PLEKHH2: variants seen among roughly 807,000 people sequenced by gnomAD.
PLEKHH2 encodes pleckstrin homology, MyTH4 and FERM domain containing H2.
Under a neutral mutation model 187.9 loss-of-function variants are expected in PLEKHH2, and 129 were observed. The observed-to-expected ratio is 0.69, with a 90% CI of 0.59 to 0.79. The LOEUF (loss-of-function observed/expected upper bound fraction) is 0.79, where lower values mean the gene tolerates loss of function less well. PLEKHH2 is among the 30% of genes least tolerant of loss of function. The pLI is 0.00. For synonymous variants in PLEKHH2, 686 were observed against 605.6 expected, an observed-to-expected ratio of 1.13 and a Z score of -1.95; for missense variants, 2,076 against 1,751.2, an observed-to-expected ratio of 1.19 and a Z score of -3.31.
At chr2:43,759,567 C>G (rs540054782) in intron 27 of PLEKHH2, among the ~76,000 whole-genome samples, 8 of 152,320 alleles carry the variant, frequency 5.3e-5, no homozygotes, top group African/African-American at 1.9e-4. Context: ...GATGGCCAGC[C>G]CTTTCCCCAA....
At chr2:43,640,779 A>ATTT (rs1165017522) in intron 1 of PLEKHH2, among the ~76,000 whole-genome samples, 1 of 150,822 alleles carries the variant, frequency 6.6e-6, no homozygotes, top group Non-Finnish European at 1.5e-5. Context: ...TTTATTTTTA[A>ATTT]TTTATTATTA....
intron 23 of PLEKHH2, among the ~76,000 whole-genome samples, chr2:43,744,600 G>A (rs1671699430): frequency 6.6e-6 from 1 of 152,218 alleles, no homozygotes; most frequent in South Asian, 2.1e-4. Context: ...GGGTGCAGTG[G>A]CTTACGCCTG....
Position 43,700,333 on chromosome 2 carries a change from A to G in PLEKHH2, c.1375A>G (p.Ser459Gly). Residue 459 changes from serine (S) to glycine (G), a missense_variant, in exon 8 of 30, where the codon AGC (serine) becomes GGC (glycine). Ser to Gly is a moderately conservative substitution (Grantham distance 56, BLOSUM62 0). Coordinates refer to ENST00000282406, the MANE Select transcript of PLEKHH2 (RefSeq NM_172069.4). ...TGTAGCACTAGCCAAAAGGCACTTA[A>G]GCCAGCCACAGTTAAGCTCTGACAG... ...ISVALAKRHL[S>G]QPQLSSDRMF... The G allele has an allele frequency of 6.2e-7, 1 of 1,614,210 alleles. No homozygotes were observed. The highest frequency in any genetic ancestry group is 8.5e-7 in the Non-Finnish European group (1 of 1,180,038).
At chr2:43,717,289 A>T (rs1416695426) in intron 15 of PLEKHH2, among the ~76,000 whole-genome samples, 1 of 152,136 alleles carries the variant, frequency 6.6e-6, no homozygotes, top group East Asian at 1.9e-4. Context: ...ATGGCAGCAC[A>T]TGCCTGTAAT....
At chr2:43,761,856 A>C (rs1024824324) in intron 27 of PLEKHH2, among the ~76,000 whole-genome samples, 1 of 152,188 alleles carries the variant, frequency 6.6e-6, no homozygotes, top group South Asian at 2.1e-4. Flanking sequence ...AAAGGTGTGC[A>C]ATTATAATAA....
At chr2:43,678,833 T>G (rs779467191) in intron 2 of PLEKHH2, 30 bp from the exon 3 acceptor site, 6 of 1,522,200 alleles carry the variant, frequency 3.9e-6, no homozygotes, top group Non-Finnish European at 4.5e-6. Context: ...AAAATAAATT[T>G]TTGTATTTAT....
chr2:43,710,584 C>CTTTTTTTTTTTTTT lies in PLEKHH2; in HGVS notation c.2301+20_2301+33dup, dbSNP rs376851824. On this transcript the variant is annotated intron_variant, in intron 14 of 29. Coordinates refer to ENST00000282406, the MANE Select transcript of PLEKHH2 (RefSeq NM_172069.4). ...ACAAACAAACAGTTCAGGTACTTAA[C>CTTTTTTTTTTTTTT]TTTTTTTTTTTTTTTTTTTTTTTTG... 1.2e-5 allele frequency: 15 copies of CTTTTTTTTTTTTTT among 1,242,580 alleles called. No individual in the cohort carries two copies. Among genetic ancestry groups the CTTTTTTTTTTTTTT allele is most frequent in the South Asian group, 3.8e-5 (2 of 53,002 alleles). The allele number at this position is 1,242,580 out of a possible 1,614,324, so 77.0% of individuals were successfully genotyped here.
At chr2:43,725,649 C>T (rs1273863733) in intron 16 of PLEKHH2, among the ~76,000 whole-genome samples, 1 of 152,218 alleles carries the variant, frequency 6.6e-6, no homozygotes, top group African/African-American at 2.4e-5. Context: ...AATTTTAGTA[C>T]AGCTGAATCA....
At chr2:43,656,769 G>C (rs919232614) in intron 2 of PLEKHH2, among the ~76,000 whole-genome samples, 69 of 152,348 alleles carry the variant, frequency 4.5e-4, no homozygotes, top group Non-Finnish European at 9.0e-4. Context: ...CATAATCCCA[G>C]CACTTTGGGA....
intron 7 of PLEKHH2, 23 bp downstream of exon 7, chr2:43,697,379 G>C: frequency 1.3e-6 from 2 of 1,555,106 alleles, no homozygotes; most frequent in Non-Finnish European, 1.7e-6. Flanking sequence ...TACAGGAATT[G>C]ACTTTGGCAT....
rs573456610 is a variant in PLEKHH2 at position 43,727,938 on chromosome 2, A to G, written c.2721+1487A>G. On this transcript the variant is annotated intron_variant, in intron 17 of 29. Transcript: ENST00000282406. ...GGAATTTAATGGCTAATGAATGCTT[A>G]CGCTCATCTGTAATCAAAGATGCGC... is the stretch of plus-strand genomic sequence containing the variant. 5.3e-5 allele frequency among the ~76,000 whole-genome samples: 8 copies of G among 152,352 alleles called. No individual in the cohort carries two copies. In the South Asian group the frequency reaches 1.2e-3, roughly 24 times the overall value.
At chr2:43,656,904 A>G (rs1666798167) in intron 2 of PLEKHH2, among the ~76,000 whole-genome samples, 1 of 152,198 alleles carries the variant, frequency 6.6e-6, no homozygotes, top group South Asian at 2.1e-4. Flanking sequence ...CTGTAATCCC[A>G]GCTACTTGGG....
Position 43,644,810 on chromosome 2 carries a change from C to A in PLEKHH2, c.123+14C>A, listed in dbSNP as rs1369371934. On this transcript the variant is annotated intron_variant, in intron 2 of 29. Coordinates refer to ENST00000282406, the MANE Select transcript of PLEKHH2 (RefSeq NM_172069.4). ...TTAGCAGAGAAGGTAAGCTTTCTCCCTAAGCTTTGTTATTAAATGTCAGCT... is the reference window on the plus strand; with the variant it reads ...TTAGCAGAGAAGGTAAGCTTTCTCCATAAGCTTTGTTATTAAATGTCAGCT... The A allele has an allele frequency of 1.3e-6, 2 of 1,592,790 alleles. No homozygotes were observed. The highest frequency in any genetic ancestry group is 2.3e-5 in the South Asian group (2 of 86,934).
At chr2:43,732,967 C>T (rs73923862) in intron 19 of PLEKHH2, among the ~76,000 whole-genome samples, 10 of 145,404 alleles carry the variant, frequency 6.9e-5, no homozygotes, top group African/African-American at 2.4e-4. Context: ...TCTTTGGTCA[C>T]ATCCCCCTCA....
chr2:43,704,553 C>T lies in PLEKHH2; in HGVS notation c.1726+497C>T, dbSNP rs186071622. On this transcript the variant is annotated intron_variant, in intron 9 of 29. Transcript: ENST00000282406. Reference sequence around the variant, plus strand: ...TGGCGGGCGCCCATAGCCCCAGCTACTCGGGAGGTTGAGGCAGGAGGATGG... The same window carrying T: ...TGGCGGGCGCCCATAGCCCCAGCTATTCGGGAGGTTGAGGCAGGAGGATGG... Among the ~76,000 whole-genome samples the T allele has an allele frequency of 3.0e-3, 445 of 149,986 alleles. 1 individual carries two copies. The highest frequency in any genetic ancestry group is 0.011 in the African/African-American group (440 of 40,844).
intron 24 of PLEKHH2, among the ~76,000 whole-genome samples, chr2:43,750,878 A>C (rs557230435): frequency 3.9e-4 from 60 of 152,286 alleles, no homozygotes; most frequent in African/African-American, 1.2e-3. Context: ...TGCCCTTTAG[A>C]ATCTTCCAGT....
At chr2:43,646,366 C>T (rs17335631) in intron 2 of PLEKHH2, among the ~76,000 whole-genome samples, 5 of 151,902 alleles carry the variant, frequency 3.3e-5, no homozygotes, top group Admixed American at 3.3e-4. Context: ...TGTCAGGATC[C>T]ACCAATTATG....
At chr2:43,638,999 T>C (rs1280637031) in intron 1 of PLEKHH2, among the ~76,000 whole-genome samples, 17 of 152,224 alleles carry the variant, frequency 1.1e-4, no homozygotes, top group African/African-American at 2.4e-5. Flanking sequence ...ATAATTAGCA[T>C]AACTAAAGAA....
At position 43,694,495 on chromosome 2, in the gene PLEKHH2, T is replaced by C; in HGVS notation, c.401T>C (p.Val134Ala). 1 of 1,559,838 alleles carries C rather than the reference T, an allele frequency of 6.4e-7. No homozygotes were observed. The highest frequency in any genetic ancestry group is 8.7e-7 in the Non-Finnish European group (1 of 1,145,332). Reference protein sequence around the residue: ...EEKAAKIKEWVTVKLNELELE... With the variant: ...EEKAAKIKEWATVKLNELELE... ...AAAGCAGCTAAGATAAAAGAATGGG[T>C]AACAGTTAAGTTAAATGAGGTATTT... Residue 134 changes from valine (V) to alanine (A), a missense_variant, in exon 5 of 30, where the codon GTA (valine) becomes GCA (alanine). Val to Ala is a moderately conservative substitution (Grantham distance 64, BLOSUM62 0). Transcript: ENST00000282406.
Sources: gnomAD v4.1 joint callset for allele counts (sites outside exome capture counted in the v4.1 genomes callset) on GRCh38, gnomAD v4.1.1 for gene constraint, MANE v1.5 for transcripts, NCBI Gene and HGNC (gene_info 2026-07-23, HGNC 2026-07-21) for gene names.